The following KAT6A variants were observed in gnomAD, a reference collection of about 807,000 sequenced individuals.
KAT6A encodes the protein histone acetyltransferase KAT6A.
KAT6A carries 9 observed loss-of-function variants against 198.4 expected under a neutral mutation model. That is an observed-to-expected ratio of 0.05 (90% CI 0.03 to 0.08). The LOEUF is 0.08. KAT6A is among the 10% of genes least tolerant of loss of function. The pLI is 1.00. For synonymous variants in KAT6A, 890 were observed against 883.0 expected, an observed-to-expected ratio of 1.01 and a Z score of -0.14; for missense variants, 2,077 against 2,509.9, an observed-to-expected ratio of 0.83 and a Z score of 3.69.
At chr8:41,967,525 C>T (rs1409833969) in intron 8 of KAT6A, among the ~76,000 whole-genome samples, 4 of 147,180 alleles carry the variant, frequency 2.7e-5, no homozygotes, top group Non-Finnish European at 4.5e-5. Flanking sequence ...CAATTCCCAC[C>T]TATGAGTGAG....
chr8:41,957,504 A>T, intron 8 of KAT6A: 1 of 315,174 alleles, frequency 3.2e-6, no homozygotes, highest in Non-Finnish European at 6.3e-6. Context: ...TTTTCGCTAA[A>T]CATGTGACTT....
intron 9 of KAT6A, among the ~76,000 whole-genome samples, chr8:41,950,575 G>C (rs1404016642): frequency 6.6e-6 from 1 of 152,164 alleles, no homozygotes; most frequent in African/African-American, 2.4e-5. Flanking sequence ...GTTTCATTTT[G>C]AGAGCTAAAT....
chr8:41,951,946 G>A (rs916584679), intron 9 of KAT6A, among the ~76,000 whole-genome samples: 1 of 152,194 alleles, frequency 6.6e-6, no homozygotes, highest in African/African-American at 2.4e-5. Flanking sequence ...TGGCTATGCA[G>A]TAAGAGAGAA....
At chr8:41,956,745 T>A (rs1235439197) in intron 8 of KAT6A, among the ~76,000 whole-genome samples, 1 of 152,206 alleles carries the variant, frequency 6.6e-6, no homozygotes, top group Non-Finnish European at 1.5e-5. Flanking sequence ...CACCAAGTAC[T>A]GGGGCTCCTC....
intron 12 of KAT6A, among the ~76,000 whole-genome samples, chr8:41,945,813 G>T (rs1822353642): frequency 6.6e-6 from 1 of 152,024 alleles, no homozygotes; most frequent in African/African-American, 2.4e-5. Flanking sequence ...TGGATCACGA[G>T]GTCAGGAGAT....
Position 41,942,714 on chromosome 8 carries a change from A to G in KAT6A, c.2436+79T>C, listed in dbSNP as rs145622824. On this transcript the variant is annotated intron_variant, in intron 14 of 16. Transcript: ENST00000265713. ...ATTTACTTTTCTGTGAAAGATGATC[A>G]TAATACATTATTATAAATACTCATG... is the stretch of plus-strand genomic sequence containing the variant. The G allele has an allele frequency of 8.3e-5, 120 of 1,443,832 alleles. No individual in the cohort carries two copies. In the East Asian group the frequency reaches 2.6e-3, roughly 31 times the overall value. The allele number at this position is 1,443,832 out of a possible 1,614,324, so 89.4% of individuals were successfully genotyped here.
Position 41,934,456 on chromosome 8 carries a change from G to T in KAT6A, c.3764C>A (p.Ala1255Glu). The T allele has an allele frequency of 6.2e-7, 1 of 1,607,174 alleles. No homozygotes were observed. ...ASSEVPAASPADSSNSPETET... is the reference protein window; with the variant it reads ...ASSEVPAASPEDSSNSPETET... ...GGTCTCAGGACTATTGCTGCTGTCT[G>T]CTGGAGAGGCTGCTGGGACTTCACT... The change falls in exon 17 of 17, where the codon GCA becomes GAA. Residue 1255 changes from alanine (A) to glutamate (E), a missense_variant. Coordinates refer to ENST00000265713, the MANE Select transcript of KAT6A (RefSeq NM_006766.5).
chr8:41,955,852 G>C (rs1463031308), intron 8 of KAT6A, among the ~76,000 whole-genome samples: 1 of 152,162 alleles, frequency 6.6e-6, no homozygotes, highest in Non-Finnish European at 1.5e-5. Flanking sequence ...GAATATGTAA[G>C]CACACAAAGG....
chr8:41,938,903 ATGCCGCTGC>A (rs1821971423), intron 15 of KAT6A, among the ~76,000 whole-genome samples: 1 of 147,480 alleles, frequency 6.8e-6, no homozygotes, highest in Admixed American at 6.9e-5. Flanking sequence ...AGCTGAGATC[ATGCCGCTGC>A]ACTCCAGCCT....
At chr8:42,019,916 G>A (rs1237315723) in intron 2 of KAT6A, among the ~76,000 whole-genome samples, 1 of 151,886 alleles carries the variant, frequency 6.6e-6, no homozygotes, top group African/African-American at 2.4e-5. Flanking sequence ...TTCCTCCAAT[G>A]ATATACAAGA....
chr8:41,968,060 A>G (rs1474817745), intron 8 of KAT6A, among the ~76,000 whole-genome samples: 13 of 152,024 alleles, frequency 8.6e-5, no homozygotes, highest in African/African-American at 2.7e-4. Flanking sequence ...GGACATAGGC[A>G]TGGGCAAGGA....
intron 16 of KAT6A, 57 bp downstream of exon 16, chr8:41,937,199 C>T (rs1821891599): frequency 7.4e-7 from 1 of 1,358,528 alleles, no homozygotes; most frequent in Admixed American, 1.9e-5. Flanking sequence ...TCTGTCACTG[C>T]TACTGCTATA....
chr8:41,967,203 T>C (rs1355699045), intron 8 of KAT6A, among the ~76,000 whole-genome samples: 4 of 151,974 alleles, frequency 2.6e-5, no homozygotes, highest in Non-Finnish European at 4.4e-5. Flanking sequence ...ATTCTATATA[T>C]TTCAAGAAGG....
At chr8:41,966,046 C>CT (rs1440977141) in intron 8 of KAT6A, among the ~76,000 whole-genome samples, 2 of 152,130 alleles carry the variant, frequency 1.3e-5, no homozygotes, top group Admixed American at 1.3e-4. Flanking sequence ...AGTTCAAATC[C>CT]TATCTCGGCT....
At chr8:41,976,361 G>C (rs1403746130) in intron 7 of KAT6A, among the ~76,000 whole-genome samples, 1 of 152,184 alleles carries the variant, frequency 6.6e-6, no homozygotes, top group East Asian at 1.9e-4. Flanking sequence ...TTATTGGACA[G>C]TTAATCAAAT....
At chr8:41,980,594 T>TA (rs1476012281) in intron 5 of KAT6A, among the ~76,000 whole-genome samples, 1 of 152,180 alleles carries the variant, frequency 6.6e-6, no homozygotes, top group African/African-American at 2.4e-5. Flanking sequence ...CAAATATGTA[T>TA]AAATGAACCA....
intron 11 of KAT6A, 43 bp from the exon 12 acceptor site, chr8:41,946,727 A>G: frequency 2.7e-6 from 3 of 1,110,626 alleles, no homozygotes; most frequent in Non-Finnish European, 4.1e-6. Flanking sequence ...CAGGCTGGTA[A>G]AAGTGAATAA....
intron 4 of KAT6A, among the ~76,000 whole-genome samples, chr8:41,981,390 A>C (rs1284478560): frequency 6.6e-6 from 1 of 152,226 alleles, no homozygotes; most frequent in Non-Finnish European, 1.5e-5. Flanking sequence ...TTAACTATGT[A>C]AATAGAGTTA....
intron 2 of KAT6A, among the ~76,000 whole-genome samples, chr8:41,991,359 T>C (rs1208769945): frequency 3.9e-5 from 6 of 152,268 alleles, no homozygotes; most frequent in South Asian, 2.1e-4. Flanking sequence ...TCACAAACTA[T>C]ATTGAAAGAA....
Sources: gnomAD v4.1 joint callset for allele counts (sites outside exome capture counted in the v4.1 genomes callset) on GRCh38, gnomAD v4.1.1 for gene constraint, MANE v1.5 for transcripts, NCBI Gene and HGNC (gene_info 2026-07-23, HGNC 2026-07-21) for gene names.